HIVEP3: variants seen among roughly 807,000 people sequenced by gnomAD.
HIVEP3 encodes the protein transcription factor HIVEP3.
HIVEP3 carries 49 observed loss-of-function variants against 152.8 expected under a neutral mutation model. The ratio of observed to expected loss-of-function variants is 0.32; its 90% CI spans 0.26 to 0.41. HIVEP3 has a LOEUF of 0.41. Ranked by LOEUF, HIVEP3 falls within the 10% of genes least tolerant of loss-of-function variation. The probability of loss-of-function intolerance (pLI) is 1.00; values close to 1 mark genes in which losing one functional copy is unlikely to be tolerated. For synonymous variants in HIVEP3, 1,269 were observed against 1,289.0 expected (o/e 0.98, Z 0.33); for missense variants, 2,790 against 3,103.3 (o/e 0.90, Z 2.40).
chr1:41,840,913 G>A (rs1224982544), intron 1 of HIVEP3, among the ~76,000 whole-genome samples: 1 of 152,176 alleles, frequency 6.6e-6, no homozygotes, highest in Non-Finnish European at 1.5e-5. Flanking sequence ...AGGGTTCCCA[G>A]AAAGCAACAA....
intron 2 of HIVEP3, among the ~76,000 whole-genome samples, chr1:41,673,161 C>T (rs1645903389): frequency 6.6e-6 from 1 of 152,268 alleles, no homozygotes; most frequent in African/African-American, 2.4e-5. Flanking sequence ...CCCTAGGGGC[C>T]CAGCCTGAGA....
chr1:41,781,762 G>T (rs1383078020), intron 1 of HIVEP3, among the ~76,000 whole-genome samples: 1 of 152,194 alleles, frequency 6.6e-6, no homozygotes, highest in Non-Finnish European at 1.5e-5. Flanking sequence ...CTACTTGCAG[G>T]CTTGGAAGAA....
intron 1 of HIVEP3, among the ~76,000 whole-genome samples, chr1:42,006,260 TGAAAGAGACAAG>T (rs1293911663): frequency 7.2e-5 from 11 of 151,932 alleles, no homozygotes; most frequent in African/African-American, 2.7e-4. Context: ...GGGGGGAGGC[TGAAAGAGACAAG>T]GAAAGAGACA....
chr1:42,026,340 T>G (rs905149992), intron 1 of HIVEP3, among the ~76,000 whole-genome samples: 3 of 152,226 alleles, frequency 2.0e-5, no homozygotes, highest in Admixed American at 6.5e-5. Context: ...AAAGTCTATA[T>G]TTATTAGGAT....
chr1:41,792,236 C>T (rs1256881277), intron 1 of HIVEP3, among the ~76,000 whole-genome samples: 1 of 152,212 alleles, frequency 6.6e-6, no homozygotes, highest in Non-Finnish European at 1.5e-5. Flanking sequence ...GAAAGTTCCC[C>T]TGAGGCAAGG....
At chr1:41,874,981 T>C (rs1470858966) in intron 1 of HIVEP3, among the ~76,000 whole-genome samples, 1 of 152,206 alleles carries the variant, frequency 6.6e-6, no homozygotes, top group Non-Finnish European at 1.5e-5. Context: ...GCCACTTGTC[T>C]CTGCCCAGGG....
At chr1:41,893,451 G>A (rs1644478604) in intron 1 of HIVEP3, among the ~76,000 whole-genome samples, 1 of 152,140 alleles carries the variant, frequency 6.6e-6, no homozygotes, top group Admixed American at 6.5e-5. Flanking sequence ...ACATCTGGGG[G>A]TCAGGGGGTT....
intron 3 of HIVEP3, among the ~76,000 whole-genome samples, chr1:41,592,796 G>C (rs1365781853): frequency 6.6e-6 from 1 of 152,188 alleles, no homozygotes; most frequent in Non-Finnish European, 1.5e-5. Flanking sequence ...CTCAGGTCAG[G>C]GTATCCCACA....
intron 1 of HIVEP3, among the ~76,000 whole-genome samples, chr1:41,786,602 G>A (rs373009929): frequency 4.1e-4 from 62 of 152,256 alleles, no homozygotes; most frequent in African/African-American, 1.4e-3. Flanking sequence ...GCCCTACAGC[G>A]GCTGCATTAA....
At chr1:41,531,413 G>T in intron 5 of HIVEP3, among the ~76,000 whole-genome samples, 1 of 149,176 alleles carries the variant, frequency 6.7e-6, no homozygotes, top group Admixed American at 6.6e-5. Context: ...GAGGACAGGA[G>T]AGATGGAGGA....
chr1:41,597,533 A>G (rs1030588829), intron 3 of HIVEP3, among the ~76,000 whole-genome samples: 1 of 152,172 alleles, frequency 6.6e-6, no homozygotes, highest in Non-Finnish European at 1.5e-5. Context: ...GGCGGGTACT[A>G]TTATCATTCC....
At chr1:41,858,505 C>T (rs774240057) in intron 1 of HIVEP3, among the ~76,000 whole-genome samples, 19 of 152,140 alleles carry the variant, frequency 1.2e-4, no homozygotes, top group Admixed American at 3.3e-4. Context: ...TCTCCAACAC[C>T]GACATCCCAC....
chr1:41,701,430 C>G (rs548640121), intron 1 of HIVEP3, among the ~76,000 whole-genome samples: 1 of 152,320 alleles, frequency 6.6e-6, no homozygotes, highest in South Asian at 2.1e-4. Context: ...GTATCAGGTC[C>G]TCATAGAGAT....
At chr1:41,676,462 A>G (rs1336929734) in intron 2 of HIVEP3, among the ~76,000 whole-genome samples, 3 of 152,184 alleles carry the variant, frequency 2.0e-5, no homozygotes, top group Non-Finnish European at 1.5e-5. Flanking sequence ...CTCCAGCCCA[A>G]TGTCTCAGAA....
In HIVEP3 at chr1:41,510,307, T is replaced by C. The variant is rs765519697; in HGVS notation, c.*144A>G. On this transcript the variant is annotated 3_prime_UTR_variant, in exon 9 of 9. Coordinates refer to ENST00000372583, the MANE Select transcript of HIVEP3 (RefSeq NM_024503.5). ...AAAAAGGCACAGGTAACTGCATACATGGGAAGGTACAACAGATGGGGCCGT... is the reference window on the plus strand; with the variant it reads ...AAAAAGGCACAGGTAACTGCATACACGGGAAGGTACAACAGATGGGGCCGT... 1.3e-4 allele frequency: 74 copies of C among 559,372 alleles called. No homozygotes were observed. The highest frequency in any genetic ancestry group is 1.4e-4 in the Non-Finnish European group (51 of 352,604). The allele number at this position is 559,372 out of a possible 1,614,324, so 34.7% of individuals were successfully genotyped here.
intron 5 of HIVEP3, among the ~76,000 whole-genome samples, chr1:41,545,578 C>CCAT (rs1558049128): frequency 5.5e-5 from 7 of 127,472 alleles, no homozygotes; most frequent in Non-Finnish European, 8.6e-5. Flanking sequence ...ACCACCACCA[C>CCAT]CACCATCACC....
chr1:41,839,416 C>T lies in HIVEP3; in HGVS notation c.-801+78997G>A, dbSNP rs949385044. The stretch of plus-strand genomic sequence containing the variant: ...GTCCTAAGTTCTCAGCTCACTCTCA[C>T]GTACTGAAAACAGACAGGACTCTGC... On this transcript the variant is annotated intron_variant, in intron 1 of 8. Transcript: ENST00000372583. Among the ~76,000 whole-genome samples the T allele has an allele frequency of 2.6e-5, 4 of 152,286 alleles. No individual in the cohort carries two copies. In the East Asian group the frequency reaches 5.8e-4, roughly 22 times the overall value.
intron 1 of HIVEP3, among the ~76,000 whole-genome samples, chr1:41,874,396 A>G (rs1431987314): frequency 6.6e-6 from 1 of 152,214 alleles, no homozygotes; most frequent in Non-Finnish European, 1.5e-5. Context: ...TGGCTAGCAC[A>G]TAAACCTGTC....
intron 2 of HIVEP3, among the ~76,000 whole-genome samples, chr1:41,676,090 C>G (rs1014281858): frequency 2.0e-5 from 3 of 151,762 alleles, no homozygotes; most frequent in Admixed American, 1.3e-4. Context: ...CTTGCTCTGT[C>G]CCTCAGGTTG....
Sources: gnomAD v4.1 joint callset for allele counts (sites outside exome capture counted in the v4.1 genomes callset) on GRCh38, gnomAD v4.1.1 for gene constraint, MANE v1.5 for transcripts, NCBI Gene and HGNC (gene_info 2026-07-23, HGNC 2026-07-21) for gene names.